The following CELF2 variants were observed in gnomAD, a reference collection of about 807,000 sequenced individuals.
The protein encoded by CELF2 is CUG triplet repeat RNA-binding protein 2.
CELF2 carries 8 observed loss-of-function variants against 62.6 expected under a neutral mutation model. That is an observed-to-expected ratio of 0.13 (90% CI 0.07 to 0.23). The LOEUF (loss-of-function observed/expected upper bound fraction) is 0.23. Ranked by LOEUF, CELF2 falls within the 10% of genes least tolerant of loss-of-function variation. The pLI, the probability that CELF2 is intolerant of heterozygous loss-of-function variation, is 1.00. For synonymous variants in CELF2, 258 were observed against 250.0 expected (o/e 1.03, Z -0.30); for missense variants, 333 against 671.0 (o/e 0.50, Z 5.56).
the CELF2 span, among the ~76,000 whole-genome samples, chr10:10,652,651 A>C: frequency 6.6e-6 from 1 of 152,036 alleles, no homozygotes; most frequent in Non-Finnish European, 1.5e-5. Flanking sequence ...GAAATAAAAT[A>C]CTTCACAGAC....
At chr10:10,775,078 T>G in the CELF2 span, among the ~76,000 whole-genome samples, 1 of 152,044 alleles carries the variant, frequency 6.6e-6, no homozygotes, top group Non-Finnish European at 1.5e-5. Context: ...GGTTTCACCA[T>G]GTTGGCTAGG....
chr10:11,031,614 A>G (rs1244719247), intron 1 of CELF2, among the ~76,000 whole-genome samples: 1 of 152,172 alleles, frequency 6.6e-6, no homozygotes, highest in Non-Finnish European at 1.5e-5. Flanking sequence ...ACCTAAGAGG[A>G]TGTGATTTGA....
At chr10:11,323,424 A>AAAT (rs57666869) in intron 11 of CELF2, among the ~76,000 whole-genome samples, 54,982 of 141,434 alleles carry the variant, frequency 0.39, 11,109 homozygotes, top group Non-Finnish European at 0.45. Flanking sequence ...GGCAGAGCAA[A>AAAT]AATAATAATA....
At chr10:10,996,346 C>G (rs2053947762) in intron 2 of CELF2, among the ~76,000 whole-genome samples, 1 of 152,196 alleles carries the variant, frequency 6.6e-6, no homozygotes, top group Non-Finnish European at 1.5e-5. Context: ...ACTTATGATT[C>G]TATCTCAGAA....
Position 11,018,031 on chromosome 10 carries a change from G to C in CELF2, c.-59G>C, listed in dbSNP as rs2057552605. On this transcript the variant is annotated 5_prime_UTR_variant, in exon 1 of 13. Coordinates refer to ENST00000633077, the MANE Select transcript of CELF2 (RefSeq NM_001326342.2). Reference sequence around the variant, plus strand: ...TCCCTGCCCGTCTCGCGCCGCCCGCGGCCGCTCGGACGCGCGCAGAGCCGC... The same window carrying C: ...TCCCTGCCCGTCTCGCGCCGCCCGCCGCCGCTCGGACGCGCGCAGAGCCGC... 8.9e-7 allele frequency: 1 copy of C among 1,129,394 alleles called. No individual in the cohort carries two copies. The highest frequency in any genetic ancestry group is 3.2e-5 in the South Asian group (1 of 30,992). The allele number at this position is 1,129,394 out of a possible 1,614,324, so 70.0% of individuals were successfully genotyped here. A position where few individuals can be genotyped will look rare whatever the true frequency, so the allele number is the denominator to read the frequency against.
chr10:10,468,326 G>A, the CELF2 span, among the ~76,000 whole-genome samples: 286 of 152,094 alleles, frequency 1.9e-3, 1 homozygote, highest in Non-Finnish European at 3.1e-3. Flanking sequence ...CTCTTGAGTG[G>A]TCTGCTTTTG....
the CELF2 span, among the ~76,000 whole-genome samples, chr10:10,737,820 A>C: frequency 9.3e-4 from 142 of 152,250 alleles, no homozygotes; most frequent in African/African-American, 3.3e-3. Flanking sequence ...CTATAATCTA[A>C]GGGATTATTT....
intron 1 of CELF2, among the ~76,000 whole-genome samples, chr10:11,037,059 G>A (rs889235038): frequency 7.7e-5 from 10 of 129,802 alleles, no homozygotes; most frequent in African/African-American, 2.9e-4. Flanking sequence ...GTATTAGTCC[G>A]TTCTCACACT....
At chr10:10,539,482 T>C in the CELF2 span, among the ~76,000 whole-genome samples, 2 of 102,656 alleles carry the variant, frequency 1.9e-5, no homozygotes, top group Admixed American at 3.1e-4. Context: ...ACTTTAGGAG[T>C]TTATTTGCCC....
At chr10:11,066,664 GGTGT>G (rs2068249489) in intron 1 of CELF2, among the ~76,000 whole-genome samples, 1 of 152,136 alleles carries the variant, frequency 6.6e-6, no homozygotes, top group South Asian at 2.1e-4. Flanking sequence ...TGTCAGCTGG[GGTGT>G]GCATGTGGGT....
At chr10:10,581,440 AG>A in the CELF2 span, among the ~76,000 whole-genome samples, 2 of 152,176 alleles carry the variant, frequency 1.3e-5, no homozygotes, top group African/African-American at 4.8e-5. Context: ...AGGAGATGAC[AG>A]TCCAAATAAG....
At chr10:11,006,065 C>T (rs937544548) in intron 1 of CELF2, among the ~76,000 whole-genome samples, 3 of 152,132 alleles carry the variant, frequency 2.0e-5, no homozygotes, top group East Asian at 3.9e-4. Context: ...GAAGGAGGCA[C>T]CACTGACCTT....
At chr10:11,142,246 G>A (rs141569281) in intron 1 of CELF2, among the ~76,000 whole-genome samples, 8 of 152,324 alleles carry the variant, frequency 5.3e-5, no homozygotes, top group East Asian at 1.9e-4. Context: ...ATTCTAGGGC[G>A]CAGAAGTGAA....
At chr10:10,561,091 A>C in the CELF2 span, among the ~76,000 whole-genome samples, 1 of 152,224 alleles carries the variant, frequency 6.6e-6, no homozygotes, top group South Asian at 2.1e-4. Flanking sequence ...TGATGGGTGC[A>C]CCAGGCTCTC....
chr10:10,726,565 G>T, the CELF2 span, among the ~76,000 whole-genome samples: 1 of 152,132 alleles, frequency 6.6e-6, no homozygotes, highest in African/African-American at 2.4e-5. Context: ...GTTTCATTGT[G>T]TAATGTTCAG....
rs560808869 is a variant in CELF2, at chr10:11,093,051, G to A, written c.75-72435G>A. On this transcript the variant is annotated intron_variant, in intron 1 of 12. Transcript: ENST00000633077. ...AATAGGAGGCTGTACGTCTTGATTGGCATCAGTCTTAATTTCTTACTCTGT... is the reference window on the plus strand; with the variant it reads ...AATAGGAGGCTGTACGTCTTGATTGACATCAGTCTTAATTTCTTACTCTGT... Among the ~76,000 whole-genome samples, 318 of 152,268 alleles carry A rather than the reference G, an allele frequency of 2.1e-3. 1 individual carries two copies. The highest frequency in any genetic ancestry group is 6.8e-3 in the Middle Eastern group (2 of 294).
chr10:10,591,108 A>T, the CELF2 span, among the ~76,000 whole-genome samples: 1 of 152,148 alleles, frequency 6.6e-6, no homozygotes, highest in Non-Finnish European at 1.5e-5. Flanking sequence ...GAATATATCT[A>T]AAAAAAGTGA....
chr10:10,685,429 A>ATCATT, the CELF2 span, among the ~76,000 whole-genome samples: 5 of 152,332 alleles, frequency 3.3e-5, no homozygotes, highest in East Asian at 9.6e-4. Context: ...TGTCACTTTT[A>ATCATT]TCATTTCATT....
the CELF2 span, among the ~76,000 whole-genome samples, chr10:10,762,623 G>T: frequency 6.6e-6 from 1 of 152,314 alleles, no homozygotes; most frequent in Non-Finnish European, 1.5e-5. Flanking sequence ...CCATTTGGGG[G>T]TAGTTCTCCG....
Sources: gnomAD v4.1 joint callset for allele counts (sites outside exome capture counted in the v4.1 genomes callset) on GRCh38, gnomAD v4.1.1 for gene constraint, MANE v1.5 for transcripts, NCBI Gene and HGNC (gene_info 2026-07-23, HGNC 2026-07-21) for gene names.